EVC2: variants seen among roughly 807,000 people sequenced by gnomAD.
The protein encoded by EVC2 is limbin.
Under a neutral mutation model 149.3 loss-of-function variants are expected in EVC2, and 148 were observed. That is an observed-to-expected ratio of 0.99 (90% confidence interval 0.87 to 1.14). The LOEUF is 1.14. EVC2 is among the 50% of genes most tolerant of loss of function. The pLI is 0.00. For missense variants in EVC2, 1,854 were observed against 1,627.3 expected (o/e 1.14, Z -2.40); for synonymous variants, 776 against 649.9 (o/e 1.19, Z -2.95).
At chr4:5,654,488 C>G (rs921682993) in intron 9 of EVC2, among the ~76,000 whole-genome samples, 1 of 152,210 alleles carries the variant, frequency 6.6e-6, no homozygotes, top group Non-Finnish European at 1.5e-5. Context: ...TCAGCTTCTC[C>G]GTTCCCTAAG....
At chr4:5,663,317 A>G in intron 8 of EVC2, 71 bp from the exon 9 acceptor site, 1 of 1,602,538 alleles carries the variant, frequency 6.2e-7, no homozygotes. Context: ...GAAAGCCAGG[A>G]GGGAAGGCCA....
chr4:5,638,438 A>G lies in EVC2; in HGVS notation c.1470+2076T>C, dbSNP rs149877201. On this transcript the variant is annotated intron_variant, in intron 10 of 21. Transcript: ENST00000344408. ...AACAGATTTAGGAAAGAATCAAAAG[A>G]GAGATAATGGGATCATTTAGGAGCT... 1.1e-4 allele frequency among the ~76,000 whole-genome samples: 16 copies of G among 152,138 alleles called. No individual in the cohort carries two copies. In the East Asian group the frequency reaches 2.9e-3, roughly 28 times the overall value.
chr4:5,638,395 C>CA (rs201911147), intron 10 of EVC2, among the ~76,000 whole-genome samples: 48,143 of 140,924 alleles, frequency 0.34, 8,077 homozygotes, highest in East Asian at 0.61. Context: ...TCTCAAAAAA[C>CA]AAAAAAAAAA....
At chr4:5,645,783 T>C (rs775656249) in intron 9 of EVC2, among the ~76,000 whole-genome samples, 1 of 152,248 alleles carries the variant, frequency 6.6e-6, no homozygotes, top group East Asian at 1.9e-4. Context: ...TACTCAGTAA[T>C]GGGATTGCTG....
rs573209328 is a variant in EVC2 at position 5,612,695 on chromosome 4, G to A, written c.2829+2727C>T. Among the ~76,000 whole-genome samples, 71 of 152,106 alleles carry A rather than the reference G, an allele frequency of 4.7e-4. 1 individual carries two copies. Among genetic ancestry groups the A allele is most frequent in the Non-Finnish European group, 3.1e-4 (21 of 68,000 alleles). ...CCCAGCACTTTGGGAGGCCGAGGCG[G>A]GCGGATCACGAGGTCAGGAGATCCA... On this transcript the variant is annotated intron_variant, in intron 16 of 21. Transcript: ENST00000344408.
rs1378037382 is a variant in EVC2, at chr4:5,708,551, C to G, written c.-38G>C. On this transcript the variant is annotated 5_prime_UTR_variant, in exon 1 of 22. Transcript: ENST00000344408. ...CCCGCTACCTCAAAGCGGCGGGTGC[C>G]GCCGAGTCGCTGGAGCTTCCGGACC... 3 of 1,363,124 alleles carry G rather than the reference C, an allele frequency of 2.2e-6. No individual in the cohort carries two copies. Among genetic ancestry groups the G allele is most frequent in the Non-Finnish European group, 2.9e-6 (3 of 1,052,358 alleles). The allele number at this position is 1,363,124 out of a possible 1,614,324, so 84.4% of individuals were successfully genotyped here. A position where few individuals can be genotyped will look rare whatever the true frequency, so the allele number is the denominator to read the frequency against.
At chr4:5,606,677 A>G (rs1207193029) in intron 16 of EVC2, among the ~76,000 whole-genome samples, 3 of 152,152 alleles carry the variant, frequency 2.0e-5, no homozygotes, top group Admixed American at 6.5e-5. Context: ...GAGAAAACCC[A>G]ATCAATAGAA....
intron 16 of EVC2, among the ~76,000 whole-genome samples, chr4:5,600,627 C>G (rs900660213): frequency 6.6e-6 from 1 of 152,012 alleles, no homozygotes; most frequent in African/African-American, 2.4e-5. Context: ...TATATAGATC[C>G]CAAAAAACTG....
At chr4:5,559,648 C>T (rs1377128547), downstream of EVC2, among the ~76,000 whole-genome samples, 1 of 152,034 alleles carries the variant, frequency 6.6e-6, no homozygotes, top group Non-Finnish European at 1.5e-5. This position sits in a 1 kb window ranked among gnomAD's most constrained non-coding sequence, Gnocchi z 5.0. Flanking sequence ...TCTGCACTGA[C>T]GGGGTTATGT....
downstream of EVC2, among the ~76,000 whole-genome samples, chr4:5,560,525 G>A (rs563873458): frequency 3.3e-5 from 5 of 152,234 alleles, no homozygotes; most frequent in East Asian, 9.7e-4. The surrounding 1 kb of genome is among the most constrained non-coding windows in gnomAD (Gnocchi z 4.1). Flanking sequence ...TCACTCACGA[G>A]AACAGTACAG....
At chr4:5,539,627 C>T (rs2108754347), downstream of EVC2, among the ~76,000 whole-genome samples, 1 of 152,264 alleles carries the variant, frequency 6.6e-6, no homozygotes, top group South Asian at 2.1e-4. Flanking sequence ...TATAAATACA[C>T]TCACTCATAT....
intron 17 of EVC2, among the ~76,000 whole-genome samples, chr4:5,578,200 G>A (rs1011199629): frequency 2.0e-5 from 3 of 150,978 alleles, no homozygotes; most frequent in African/African-American, 4.9e-5. Context: ...AAATGCTGAG[G>A]TCAGGGACTC....
intron 9 of EVC2, among the ~76,000 whole-genome samples, chr4:5,644,219 A>G (rs1183781584): frequency 2.0e-5 from 3 of 152,166 alleles, no homozygotes; most frequent in Non-Finnish European, 4.4e-5. Context: ...CAGATCTAAG[A>G]TCTTCATTCA....
intron 10 of EVC2, among the ~76,000 whole-genome samples, chr4:5,634,512 A>T (rs1163852759): frequency 6.6e-6 from 1 of 152,248 alleles, no homozygotes; most frequent in Non-Finnish European, 1.5e-5. Flanking sequence ...CACAGGCAAG[A>T]TAAAAAGCAG....
At position 5,677,520 on chromosome 4, in the gene EVC2, C is replaced by T. The variant is rs528917527; in HGVS notation, c.870+3740G>A. On this transcript the variant is annotated intron_variant, in intron 7 of 21. Coordinates refer to ENST00000344408, the MANE Select transcript of EVC2 (RefSeq NM_147127.5). The surrounding 1 kb of genome is among the most constrained non-coding windows in gnomAD (Gnocchi z 4.3). ...GTCTGCATCCCAGGGGGCAACTATT[C>T]CTCTTTCTCCTGAAGGCAACATGCA... Among the ~76,000 whole-genome samples, 2 of 152,328 alleles carry T rather than the reference C, an allele frequency of 1.3e-5. No homozygotes were observed. Among genetic ancestry groups the T allele is most frequent in the African/African-American group, 2.4e-5 (1 of 41,570 alleles).
At chr4:5,559,753 A>G (rs1047796400), downstream of EVC2, among the ~76,000 whole-genome samples, 4 of 152,256 alleles carry the variant, frequency 2.6e-5, no homozygotes, top group African/African-American at 9.6e-5. The surrounding 1 kb of genome is among the most constrained non-coding windows in gnomAD (Gnocchi z 5.0). Context: ...CTCAAAGTAT[A>G]AAATAAATAT....
intron 19 of EVC2, among the ~76,000 whole-genome samples, chr4:5,572,968 T>C (rs10937656): frequency 0.015 from 2,240 of 152,288 alleles, 27 homozygotes; most frequent in Middle Eastern, 0.024. Flanking sequence ...CGGGCCCTCA[T>C]GCCCTCACCA....
downstream of EVC2, among the ~76,000 whole-genome samples, chr4:5,558,438 T>C (rs961545445): frequency 1.3e-5 from 2 of 152,234 alleles, no homozygotes; most frequent in Non-Finnish European, 2.9e-5. Flanking sequence ...TATGATAGTG[T>C]AATTGTGGAT....
intron 7 of EVC2, among the ~76,000 whole-genome samples, chr4:5,673,808 A>G (rs1264949887): frequency 8.5e-5 from 13 of 152,236 alleles, no homozygotes; most frequent in East Asian, 7.7e-4. Flanking sequence ...TTATGTACTA[A>G]ATATATTCAC....
Sources: allele counts gnomAD v4.1 joint callset (sites outside exome capture counted in the v4.1 genomes callset), GRCh38; gene constraint gnomAD v4.1.1; non-coding constraint Gnocchi (gnomAD v3.1); transcripts MANE v1.5; gene names NCBI Gene and HGNC (gene_info 2026-07-23, HGNC 2026-07-21).